LCLAT1: variants seen among roughly 807,000 people sequenced by gnomAD.
LCLAT1 encodes lysocardiolipin acyltransferase 1.
In LCLAT1, 11 loss-of-function variants were observed where a neutral mutation model predicts 30.7. The ratio of observed to expected loss-of-function variants is 0.36; its 90% CI spans 0.23 to 0.59. The LOEUF (loss-of-function observed/expected upper bound fraction) is 0.59, where lower values mean the gene tolerates loss of function less well. LCLAT1 is among the 20% of genes least tolerant of loss of function. LCLAT1 has a pLI of 0.77. For synonymous variants in LCLAT1, 155 were observed against 151.3 expected (o/e 1.02, Z -0.18); for missense variants, 402 against 458.6 (o/e 0.88, Z 1.13).
chr2:30,461,957 A>G (rs1682164727), intron 1 of LCLAT1, among the ~76,000 whole-genome samples: 1 of 151,088 alleles, frequency 6.6e-6, no homozygotes, highest in South Asian at 2.1e-4. Context: ...GTTTTTTAGT[A>G]GAGACGGGGT....
At chr2:30,587,322 GT>G (rs60077705) in intron 5 of LCLAT1, among the ~76,000 whole-genome samples, 48,010 of 150,480 alleles carry the variant, frequency 0.32, 8,057 homozygotes, top group African/African-American at 0.37. Flanking sequence ...AAACATGGTA[GT>G]TTTTTTTTTA....
At chr2:30,474,630 T>G (rs1333996997) in intron 1 of LCLAT1, among the ~76,000 whole-genome samples, 1 of 149,394 alleles carries the variant, frequency 6.7e-6, no homozygotes, top group African/African-American at 2.4e-5. Flanking sequence ...TTTTAATGAT[T>G]TGGTTTTAAA....
At position 30,562,234 on chromosome 2, in the gene LCLAT1, T is replaced by C. The variant is rs754740898; in HGVS notation, c.453T>C (p.Phe151=). The change falls in exon 4 of 6, where the codon TTT becomes TTC. Residue 151 remains phenylalanine (F), a synonymous_variant. Coordinates refer to ENST00000379509, the MANE Select transcript of LCLAT1 (RefSeq NM_001002257.3). ...KSHFEDMIDY[F]CDIHEPLQLL... is the part of the protein sequence containing the mutation. ...ATTTCGAAGACATGATTGATTACTTTTGTGATATTCACGAACCACTTCAAC... is the reference window on the plus strand; with the variant it reads ...ATTTCGAAGACATGATTGATTACTTCTGTGATATTCACGAACCACTTCAAC... The C allele has an allele frequency of 1.9e-6, 3 of 1,613,036 alleles. No homozygotes were observed. Among genetic ancestry groups the C allele is most frequent in the Non-Finnish European group, 2.5e-6 (3 of 1,179,156 alleles).
intron 3 of LCLAT1, among the ~76,000 whole-genome samples, chr2:30,540,760 G>C (rs1384377774): frequency 6.6e-6 from 1 of 151,854 alleles, no homozygotes. Flanking sequence ...CGCCTCCCGG[G>C]TTCAAGCGAT....
At chr2:30,456,983 C>T (rs567763457) in intron 1 of LCLAT1, among the ~76,000 whole-genome samples, 1 of 152,288 alleles carries the variant, frequency 6.6e-6, no homozygotes, top group East Asian at 1.9e-4. Context: ...CTGAAGGAAG[C>T]TAGTTTTGGG....
At chr2:30,600,776 T>A (rs984594733) in intron 5 of LCLAT1, among the ~76,000 whole-genome samples, 4 of 152,148 alleles carry the variant, frequency 2.6e-5, no homozygotes, top group African/African-American at 9.6e-5. Flanking sequence ...GATGTACTTC[T>A]CATGGAGTAT....
At chr2:30,459,457 C>G in intron 1 of LCLAT1, 1 of 668,548 alleles carries the variant, frequency 1.5e-6, no homozygotes, top group Non-Finnish European at 2.7e-6. Flanking sequence ...TCCCTGGGCC[C>G]GTAATCTGTT....
intron 1 of LCLAT1, among the ~76,000 whole-genome samples, chr2:30,508,565 C>T (rs4952135): frequency 0.13 from 19,208 of 152,004 alleles, 1,347 homozygotes; most frequent in South Asian, 0.23. Flanking sequence ...TAGTTGTAGG[C>T]GTGATGCCTT....
chr2:30,549,289 A>G (rs1396768110), intron 3 of LCLAT1, among the ~76,000 whole-genome samples: 1 of 152,152 alleles, frequency 6.6e-6, no homozygotes, highest in Non-Finnish European at 1.5e-5. Context: ...TACTATTTCT[A>G]ATACCTCAGC....
intron 3 of LCLAT1, among the ~76,000 whole-genome samples, chr2:30,557,463 G>A (rs537391390): frequency 1.8e-4 from 27 of 151,172 alleles, no homozygotes; most frequent in Non-Finnish European, 3.7e-4. Context: ...CGCCCAGCCT[G>A]GAGTGCAATG....
intron 1 of LCLAT1, among the ~76,000 whole-genome samples, chr2:30,463,516 A>T (rs1009297446): frequency 3.9e-5 from 6 of 152,170 alleles, no homozygotes; most frequent in African/African-American, 1.4e-4. Context: ...CAGGTTTTGC[A>T]TTCATAGATT....
chr2:30,517,237 T>G (rs145032050), intron 1 of LCLAT1, among the ~76,000 whole-genome samples: 68 of 152,306 alleles, frequency 4.5e-4, no homozygotes, highest in African/African-American at 1.5e-3. Context: ...TTAGAGCAAG[T>G]TGTATCTCCA....
chr2:30,555,387 T>C (rs944540022), intron 3 of LCLAT1, among the ~76,000 whole-genome samples: 1 of 151,978 alleles, frequency 6.6e-6, no homozygotes, highest in Non-Finnish European at 1.5e-5. Flanking sequence ...CAAGAAGAAA[T>C]GATGAGCAAA....
chr2:30,519,195 G>A (rs1342654122), intron 1 of LCLAT1, among the ~76,000 whole-genome samples: 1 of 152,122 alleles, frequency 6.6e-6, no homozygotes, highest in Non-Finnish European at 1.5e-5. Context: ...TGCACTTCAG[G>A]CCATACATTT....
chr2:30,553,328 A>G (rs917690708), intron 3 of LCLAT1, among the ~76,000 whole-genome samples: 1 of 152,162 alleles, frequency 6.6e-6, no homozygotes, highest in Non-Finnish European at 1.5e-5. Flanking sequence ...TGGACAATAG[A>G]GTATGCCGAG....
intron 3 of LCLAT1, among the ~76,000 whole-genome samples, chr2:30,539,625 C>G (rs2148407407): frequency 6.6e-6 from 1 of 152,212 alleles, no homozygotes; most frequent in South Asian, 2.1e-4. Flanking sequence ...AGTAAATTGT[C>G]CACTAATCAT....
At chr2:30,629,953 G>T (rs1437292111) in intron 5 of LCLAT1, among the ~76,000 whole-genome samples, 2 of 151,064 alleles carry the variant, frequency 1.3e-5, no homozygotes, top group African/African-American at 4.9e-5. Context: ...TTTTTTTAAG[G>T]TACATGTTAT....
rs956587588 is a variant in LCLAT1, at chr2:30,516,940, C to T, written c.-4-8647C>T. 5.9e-5 allele frequency among the ~76,000 whole-genome samples: 9 copies of T among 152,306 alleles called. No homozygotes were observed. The South Asian group carries it at 8.3e-4, about 14-fold the overall frequency. On this transcript the variant is annotated intron_variant, in intron 1 of 5. Coordinates refer to ENST00000379509, the MANE Select transcript of LCLAT1 (RefSeq NM_001002257.3). The stretch of plus-strand genomic sequence containing the variant: ...CATTGGTCTGCCTGGAACCAGCTTC[C>T]GCTTTTACAATTTTCCTGGGGAAGC...
At chr2:30,448,940 A>G (rs977573278) in intron 1 of LCLAT1, among the ~76,000 whole-genome samples, 16 of 152,258 alleles carry the variant, frequency 1.1e-4, no homozygotes, top group Non-Finnish European at 1.6e-4. Context: ...GGGCTTTAAA[A>G]AGTTAAAAAA....
Sources: allele counts gnomAD v4.1 joint callset (sites outside exome capture counted in the v4.1 genomes callset), GRCh38; gene constraint gnomAD v4.1.1; transcripts MANE v1.5; gene names NCBI Gene and HGNC (gene_info 2026-07-23, HGNC 2026-07-21).